The following NRXN3 variants were observed in gnomAD, a reference collection of about 807,000 sequenced individuals.
NRXN3 encodes the protein neurexin III.
A neutral mutation model predicts 137.6 loss-of-function variants in NRXN3; 32 were observed. The ratio of observed to expected loss-of-function variants is 0.23; its 90% CI spans 0.18 to 0.31. The LOEUF (loss-of-function observed/expected upper bound fraction) is 0.31, where lower values mean the gene tolerates loss of function less well. Among genes scored for constraint, NRXN3 ranks in the 10% least tolerant of loss-of-function variants. The pLI, the probability that NRXN3 is intolerant of heterozygous loss-of-function variation, is 1.00. For synonymous variants in NRXN3, 798 were observed against 784.5 expected (o/e 1.02, Z -0.29); for missense variants, 1,574 against 2,062.5 (o/e 0.76, Z 4.59).
At chr14:79,014,146 A>G (rs1244564454) in intron 15 of NRXN3, among the ~76,000 whole-genome samples, 1 of 152,178 alleles carries the variant, frequency 6.6e-6, no homozygotes, top group Non-Finnish European at 1.5e-5. Flanking sequence ...GTACATGTGC[A>G]GGTTTCTTAC....
chr14:78,559,893 T>C (rs2096771421), intron 4 of NRXN3, among the ~76,000 whole-genome samples: 1 of 152,232 alleles, frequency 6.6e-6, no homozygotes, highest in Non-Finnish European at 1.5e-5. Context: ...CAACTAACAT[T>C]GTTTTGCAAT....
chr14:79,343,648 C>T (rs1220681832), intron 15 of NRXN3, among the ~76,000 whole-genome samples: 2 of 152,318 alleles, frequency 1.3e-5, no homozygotes, highest in South Asian at 2.1e-4. Context: ...CTGGGGCCAA[C>T]TGCTTTCCCT....
At chr14:78,488,109 C>T (rs908301468) in intron 4 of NRXN3, among the ~76,000 whole-genome samples, 1 of 152,192 alleles carries the variant, frequency 6.6e-6, no homozygotes, top group Non-Finnish European at 1.5e-5. Context: ...TGTGTCCTCA[C>T]GTGACTTTTC....
chr14:79,416,169 G>T (rs1385688793), intron 15 of NRXN3, among the ~76,000 whole-genome samples: 1 of 152,080 alleles, frequency 6.6e-6, no homozygotes, highest in Non-Finnish European at 1.5e-5. Flanking sequence ...GGTATATATT[G>T]CAAGGAGTCA....
intron 16 of NRXN3, among the ~76,000 whole-genome samples, chr14:79,635,890 A>G (rs34940743): frequency 0.26 from 38,882 of 151,860 alleles, 6,338 homozygotes; most frequent in Non-Finnish European, 0.35. Flanking sequence ...CAAAGGGGGG[A>G]AATGGCCCTT....
chr14:79,665,528 A>T lies in NRXN3; in HGVS notation c.3616+1579A>T, dbSNP rs577053237. 2.0e-5 allele frequency among the ~76,000 whole-genome samples: 3 copies of T among 152,264 alleles called. No homozygotes were observed. The South Asian group carries it at 6.2e-4, about 32-fold the overall frequency. On this transcript the variant is annotated intron_variant, in intron 17 of 20. Transcript: ENST00000335750. Reference sequence around the variant, plus strand: ...AGGGTGAAAGGAATAAAAGCAGTCCAGTATCTTAAAAGCTGTTCATAGGCT... The same window carrying T: ...AGGGTGAAAGGAATAAAAGCAGTCCTGTATCTTAAAAGCTGTTCATAGGCT...
intron 4 of NRXN3, among the ~76,000 whole-genome samples, chr14:78,572,217 T>C (rs2096896217): frequency 6.6e-6 from 1 of 152,222 alleles, no homozygotes; most frequent in South Asian, 2.1e-4. Flanking sequence ...TTCTTTCTTA[T>C]CCCTTCTCTA....
intron 4 of NRXN3, among the ~76,000 whole-genome samples, chr14:78,531,752 C>T (rs1292045826): frequency 6.6e-6 from 1 of 152,110 alleles, no homozygotes; most frequent in African/African-American, 2.4e-5. Context: ...CAAAGGTACT[C>T]AAATACTTTT....
chr14:79,294,935 C>T (rs2083802989), intron 15 of NRXN3, among the ~76,000 whole-genome samples: 1 of 152,070 alleles, frequency 6.6e-6, no homozygotes, highest in African/African-American at 2.4e-5. Flanking sequence ...TTGTGACAAC[C>T]TCCCTTAACA....
chr14:78,497,029 C>T (rs1446609753), intron 4 of NRXN3, among the ~76,000 whole-genome samples: 13 of 152,002 alleles, frequency 8.6e-5, no homozygotes, highest in Non-Finnish European at 1.5e-4. Flanking sequence ...TTCCAGTTTT[C>T]GATAAGTTAT....
chr14:79,324,842 A>G (rs2090609314), intron 15 of NRXN3, among the ~76,000 whole-genome samples: 1 of 152,204 alleles, frequency 6.6e-6, no homozygotes, highest in African/African-American at 2.4e-5. Context: ...ATATATGTAT[A>G]TATATTCATA....
At chr14:79,197,498 C>T (rs952795351) in intron 15 of NRXN3, among the ~76,000 whole-genome samples, 13 of 151,834 alleles carry the variant, frequency 8.6e-5, no homozygotes, top group Middle Eastern at 3.2e-3. Flanking sequence ...AAGACTTTTG[C>T]GTGGCTTATC....
intron 4 of NRXN3, among the ~76,000 whole-genome samples, chr14:78,569,478 G>T (rs1380541583): frequency 3.3e-5 from 5 of 150,860 alleles, no homozygotes; most frequent in African/African-American, 9.8e-5. Flanking sequence ...TGTTAGCAAG[G>T]GTGGTCTCAA....
Position 78,977,493 on chromosome 14 carries a change from A to G in NRXN3, c.3142+9147A>G, listed in dbSNP as rs114292224. 2.6e-4 allele frequency among the ~76,000 whole-genome samples: 40 copies of G among 152,248 alleles called. 1 individual carries two copies. The highest frequency in any genetic ancestry group is 9.6e-4 in the African/African-American group (40 of 41,546). On this transcript the variant is annotated intron_variant, in intron 14 of 20. Coordinates refer to ENST00000335750, the MANE Select transcript of NRXN3 (RefSeq NM_001330195.2). ...GAAAAGCAGACAGACTCCTCAGTTT[A>G]CATTTTCTAAAGAATCATTGACTTA... is the stretch of plus-strand genomic sequence containing the variant.
chr14:79,664,698 C>T (rs78836728), intron 17 of NRXN3, among the ~76,000 whole-genome samples: 1,881 of 152,248 alleles, frequency 0.012, 17 homozygotes, highest in Non-Finnish European at 0.019. Context: ...CAAATAATCC[C>T]TCAGCTTTCC....
intron 4 of NRXN3, among the ~76,000 whole-genome samples, chr14:78,567,266 G>C (rs1371303952): frequency 6.6e-6 from 1 of 152,184 alleles, no homozygotes; most frequent in Non-Finnish European, 1.5e-5. Context: ...GGGGAATATT[G>C]CCCATTAATG....
chr14:79,227,839 T>C (rs2071345355), intron 15 of NRXN3, among the ~76,000 whole-genome samples: 1 of 135,090 alleles, frequency 7.4e-6, no homozygotes, highest in Non-Finnish European at 1.6e-5. Flanking sequence ...CCTTCCTCCC[T>C]CCCTTCCTCC....
chr14:78,932,786 A>G (rs1461638914), intron 10 of NRXN3, among the ~76,000 whole-genome samples: 1 of 152,176 alleles, frequency 6.6e-6, no homozygotes, highest in South Asian at 2.1e-4. Context: ...GGTGTTTTTT[A>G]TATATCCTTC....
At chr14:78,851,265 TAG>T (rs2099041714) in intron 10 of NRXN3, among the ~76,000 whole-genome samples, 1 of 152,162 alleles carries the variant, frequency 6.6e-6, no homozygotes, top group Non-Finnish European at 1.5e-5. Flanking sequence ...GACTGATTTA[TAG>T]TGTTGACATA....
Sources: gnomAD v4.1 joint callset for allele counts (sites outside exome capture counted in the v4.1 genomes callset) on GRCh38, gnomAD v4.1.1 for gene constraint, MANE v1.5 for transcripts, NCBI Gene and HGNC (gene_info 2026-07-23, HGNC 2026-07-21) for gene names.